The following ANKRD60 variants were observed in gnomAD, a reference collection of about 807,000 sequenced individuals.
ANKRD60 encodes the protein ankyrin repeat domain 60.
ANKRD60 carries 24 observed loss-of-function variants against 21.3 expected under a neutral mutation model. The ratio of observed to expected loss-of-function variants is 1.13; its 90% CI spans 0.82 to 1.59. ANKRD60 has a LOEUF of 1.59. Ranked by LOEUF, ANKRD60 falls within the 40% of genes most tolerant of loss-of-function variation. The pLI is 0.00. For missense variants in ANKRD60, 490 were observed against 466.7 expected (o/e 1.05, Z -0.46); for synonymous variants, 182 against 199.4 (o/e 0.91, Z 0.74).
intron 1 of ANKRD60, among the ~76,000 whole-genome samples, chr20:58,225,671 A>G (rs1484769728): frequency 2.0e-5 from 3 of 152,206 alleles, no homozygotes; most frequent in Non-Finnish European, 4.4e-5. Flanking sequence ...CCGTGGAGGC[A>G]GGCTGCTTTC....
Position 58,223,033 on chromosome 20 carries a change from T to C in ANKRD60, c.561+19A>G. ...TGCTTCGTAACGTATAATATCCATT[T>C]AAAGAAGCTTGAAAACACCTTGCTG... On this transcript the variant is annotated intron_variant, in intron 2 of 3. Transcript: ENST00000457363. The C allele has an allele frequency of 6.5e-7, 1 of 1,541,932 alleles. No homozygotes were observed. Among genetic ancestry groups the C allele is most frequent in the Non-Finnish European group, 8.7e-7 (1 of 1,143,840 alleles).
intron 1 of ANKRD60, among the ~76,000 whole-genome samples, chr20:58,224,654 T>C (rs536889301): frequency 6.6e-6 from 1 of 152,362 alleles, no homozygotes; most frequent in East Asian, 1.9e-4. Context: ...AGTGTCCTAT[T>C]TGTGGTTCAG....
At chr20:58,222,617 C>T (rs556303962) in intron 2 of ANKRD60, among the ~76,000 whole-genome samples, 8 of 152,266 alleles carry the variant, frequency 5.3e-5, no homozygotes, top group African/African-American at 1.2e-4. Context: ...ACAGAGCGCC[C>T]GCCGCTCACC....
At chr20:58,221,314 T>C in intron 3 of ANKRD60, 24 bp downstream of exon 3, 1 of 1,545,134 alleles carries the variant, frequency 6.5e-7, no homozygotes. Flanking sequence ...CTCATGAATA[T>C]AGCAAGCTTT....
chr20:58,223,642 G>A (rs1984307323), intron 1 of ANKRD60, among the ~76,000 whole-genome samples: 1 of 152,170 alleles, frequency 6.6e-6, no homozygotes, highest in African/African-American at 2.4e-5. Context: ...AAAAATGTTG[G>A]ATCTTTCAAA....
At chr20:58,217,167 A>G (rs892818260), downstream of ANKRD60, among the ~76,000 whole-genome samples, 1 of 152,240 alleles carries the variant, frequency 6.6e-6, no homozygotes, top group Non-Finnish European at 1.5e-5. Flanking sequence ...GTGGTGGCTC[A>G]TGCCTGTAAA....
chr20:58,224,211 T>C (rs1485290531), intron 1 of ANKRD60, among the ~76,000 whole-genome samples: 1 of 152,204 alleles, frequency 6.6e-6, no homozygotes, highest in East Asian at 1.9e-4. Flanking sequence ...CACCCCAATT[T>C]GGACTTGGAG....
intron 3 of ANKRD60, among the ~76,000 whole-genome samples, chr20:58,219,849 G>T (rs550075705): frequency 2.0e-5 from 3 of 152,168 alleles, no homozygotes; most frequent in Non-Finnish European, 2.9e-5. Context: ...ATACATCACA[G>T]TTCTATCAGA....
downstream of ANKRD60, among the ~76,000 whole-genome samples, chr20:58,217,824 G>C (rs1984165152): frequency 6.6e-6 from 1 of 152,174 alleles, no homozygotes. Flanking sequence ...GGACAAAAGA[G>C]AAAATGTGAC....
downstream of ANKRD60, chr20:58,218,424 G>A: frequency 2.1e-6 from 3 of 1,427,972 alleles, no homozygotes; most frequent in South Asian, 1.4e-5. Context: ...TGCTCACCAA[G>A]GGCCCCCATG....
chr20:58,221,190 G>A (rs1226259768), intron 3 of ANKRD60, 148 bp downstream of exon 3: 4 of 812,802 alleles, frequency 4.9e-6, no homozygotes, highest in Non-Finnish European at 7.4e-6. Context: ...CAGGGAGTGA[G>A]TGGCACCATG....
intron 2 of ANKRD60, among the ~76,000 whole-genome samples, chr20:58,222,830 G>C (rs1489594072): frequency 6.6e-6 from 1 of 152,242 alleles, no homozygotes; most frequent in African/African-American, 2.4e-5. Context: ...GGGGCGGTAA[G>C]TGGGTTATAA....
At position 58,228,230 on chromosome 20, in the gene ANKRD60, C is replaced by T. The variant is rs1568838732; in HGVS notation, c.424G>A (p.Asp142Asn). 2 of 1,547,506 alleles carry T rather than the reference C, an allele frequency of 1.3e-6. No individual in the cohort carries two copies. Among genetic ancestry groups the T allele is most frequent in the South Asian group, 1.2e-5 (1 of 83,630 alleles). ...GAGTCAGGGCAGGAGCCACCTTCGT[C>T]GAGGTACTGGAGCCGCTGGAGGTTG... is the stretch of plus-strand genomic sequence containing the variant. Residue 142 changes from aspartate to asparagine, a missense_variant, in exon 1 of 4, where the codon GAC becomes AAC. Coordinates refer to ENST00000457363, the Ensembl canonical transcript of ANKRD60. The surrounding 1 kb of genome is among the most constrained non-coding windows in gnomAD (Gnocchi z 5.3).
chr20:58,223,954 T>C (rs1446163000), intron 1 of ANKRD60, among the ~76,000 whole-genome samples: 2 of 151,926 alleles, frequency 1.3e-5, no homozygotes, highest in Non-Finnish European at 2.9e-5. Context: ...ATACAAAAAT[T>C]ATCTGGGCCC....
chr20:58,221,238 G>A (rs1984245068), intron 3 of ANKRD60, 100 bp downstream of exon 3: 5 of 1,303,220 alleles, frequency 3.8e-6, no homozygotes, highest in African/African-American at 3.0e-5. Context: ...ACAGGTCCAG[G>A]AAACCACTGC....
exon 4 of ANKRD60, chr20:58,218,551 A>C (rs1984178767): frequency 6.4e-7 from 1 of 1,551,704 alleles, no homozygotes; most frequent in Non-Finnish European, 8.7e-7. Context: ...ACCCTCTGCA[A>C]AGCATTCTTC....
At chr20:58,225,340 T>G (rs903375087) in intron 1 of ANKRD60, among the ~76,000 whole-genome samples, 4 of 152,208 alleles carry the variant, frequency 2.6e-5, no homozygotes, top group African/African-American at 9.7e-5. Flanking sequence ...GAACTCTTAC[T>G]AAGTCCTTCA....
Position 58,228,627 on chromosome 20 carries a change from C to A in ANKRD60, c.27G>T (p.Met9Ile). Residue 9 changes from methionine to isoleucine, a missense_variant, in exon 1 of 4, where the codon ATG becomes ATT. Met to Ile is a conservative substitution (Grantham distance 10, BLOSUM62 1). Coordinates refer to ENST00000457363, the Ensembl canonical transcript of ANKRD60. The surrounding 1 kb of genome is among the most constrained non-coding windows in gnomAD (Gnocchi z 5.3). ...CGCCCGCCCCCGCCGCCGCCCGCCG[C>A]ATCCCCCAGGCGCGGCCGCGCGTCA... 9.8e-7 allele frequency: 1 copy of A among 1,021,134 alleles called. No homozygotes were observed. The highest frequency in any genetic ancestry group is 1.2e-6 in the Non-Finnish European group (1 of 850,480). 63.3% of individuals were successfully genotyped at this position (1,021,134 alleles called of 1,614,324 possible).
chr20:58,221,211 C>G (rs521615), intron 3 of ANKRD60, 127 bp downstream of exon 3: 1 of 1,043,390 alleles, frequency 9.6e-7, no homozygotes, highest in Non-Finnish European at 1.3e-6. Flanking sequence ...GGGACCCTGA[C>G]TGGTGGCTGA....
Sources: gnomAD v4.1 joint callset for allele counts (sites outside exome capture counted in the v4.1 genomes callset) on GRCh38, gnomAD v4.1.1 for gene constraint, Gnocchi (gnomAD v3.1) non-coding constraint, MANE v1.5 for transcripts, NCBI Gene and HGNC (gene_info 2026-07-23, HGNC 2026-07-21) for gene names.